The following CDC14B variants were observed in gnomAD, a reference collection of about 807,000 sequenced individuals.
CDC14B encodes cell division cycle 14B.
Under a neutral mutation model 64.2 loss-of-function variants are expected in CDC14B, and 22 were observed. The observed-to-expected ratio is 0.34, with a 90% confidence interval of 0.24 to 0.49. The LOEUF (loss-of-function observed/expected upper bound fraction) is 0.49. Ranked by LOEUF, CDC14B falls within the 20% of genes least tolerant of loss-of-function variation. The probability of loss-of-function intolerance (pLI) is 0.99; values close to 1 mark genes in which losing one functional copy is unlikely to be tolerated. For missense variants in CDC14B, 498 were observed against 629.9 expected (o/e 0.79, Z 2.24); for synonymous variants, 191 against 215.8 (o/e 0.89, Z 1.01).
In CDC14B at chr9:96,530,949, C is replaced by A. The variant is rs928869922; in HGVS notation, c.946+2978G>T. 2.6e-5 allele frequency among the ~76,000 whole-genome samples: 4 copies of A among 152,288 alleles called. No homozygotes were observed. In the East Asian group the frequency reaches 7.7e-4, roughly 29 times the overall value. ...TTTGTCCTTAACGTGGTATATCACA[C>A]TGATTGATTTTCATATGTTGAACCA... On this transcript the variant is annotated intron_variant, in intron 9 of 13. Transcript: ENST00000375241.
At chr9:96,566,929 G>A (rs1359986709) in intron 1 of CDC14B, 1 of 1,516,510 alleles carries the variant, frequency 6.6e-7, no homozygotes, top group Non-Finnish European at 8.9e-7. Flanking sequence ...AGGGCCGCGC[G>A]GGGCAGCGGG....
intron 1 of CDC14B, among the ~76,000 whole-genome samples, chr9:96,616,650 G>C (rs1847647394): frequency 6.6e-6 from 1 of 152,138 alleles, no homozygotes; most frequent in East Asian, 1.9e-4. Flanking sequence ...CTTGAACCCG[G>C]GAGGCAGAGG....
chr9:96,570,715 C>T (rs1844414294), intron 1 of CDC14B, among the ~76,000 whole-genome samples: 1 of 152,162 alleles, frequency 6.6e-6, no homozygotes, highest in South Asian at 2.1e-4. Context: ...ACAATGATAA[C>T]CAACGATGAT....
At chr9:96,579,642 A>G (rs1384896319) in intron 1 of CDC14B, among the ~76,000 whole-genome samples, 1 of 152,008 alleles carries the variant, frequency 6.6e-6, no homozygotes, top group Non-Finnish European at 1.5e-5. Context: ...GCACACAGGA[A>G]AGGTCACGTG....
intron 1 of CDC14B, among the ~76,000 whole-genome samples, chr9:96,580,953 T>G (rs1312234400): frequency 6.6e-6 from 1 of 152,114 alleles, no homozygotes; most frequent in Non-Finnish European, 1.5e-5. Flanking sequence ...AGATTTAAGC[T>G]CGGTGCGGTG....
At chr9:96,589,180 C>CAA (rs11445529) in intron 1 of CDC14B, among the ~76,000 whole-genome samples, 1 of 150,754 alleles carries the variant, frequency 6.6e-6, no homozygotes, top group African/African-American at 2.4e-5. Context: ...TACTAAAATA[C>CAA]AAAAAAAAAT....
intron 4 of CDC14B, among the ~76,000 whole-genome samples, chr9:96,552,991 T>C (rs1842024934): frequency 6.6e-6 from 1 of 152,244 alleles, no homozygotes; most frequent in Admixed American, 6.5e-5. Context: ...ACATGATACA[T>C]GTGACCTGTT....
At chr9:96,522,702 TCTGCA>T in intron 11 of CDC14B, 99 bp from the exon 12 acceptor site, 1 of 752,844 alleles carries the variant, frequency 1.3e-6, no homozygotes, top group South Asian at 1.5e-5. Flanking sequence ...AGTCCAAGTT[TCTGCA>T]AGCTCTAGAA....
chr9:96,590,967 T>C (rs1289872508), intron 1 of CDC14B, among the ~76,000 whole-genome samples: 1 of 152,220 alleles, frequency 6.6e-6, no homozygotes, highest in Non-Finnish European at 1.5e-5. Flanking sequence ...TGTTTTCATT[T>C]GTTAAGTTGC....
chr9:96,607,916 G>A (rs1222483066), intron 1 of CDC14B, among the ~76,000 whole-genome samples: 1 of 152,154 alleles, frequency 6.6e-6, no homozygotes, highest in African/African-American at 2.4e-5. Context: ...GTGTTGCTGT[G>A]ATCCAGAACA....
intron 1 of CDC14B, among the ~76,000 whole-genome samples, chr9:96,611,239 C>T (rs999801118): frequency 1.3e-5 from 2 of 152,232 alleles, no homozygotes; most frequent in Admixed American, 1.3e-4. Flanking sequence ...TAATCCCTGC[C>T]TAATATGGAC....
Position 96,500,817 on chromosome 9 carries a change from G to A in CDC14B, c.*2936C>T, listed in dbSNP as rs1833503223. On this transcript the variant is annotated 3_prime_UTR_variant, in exon 14 of 14. Coordinates refer to ENST00000375241, the MANE Select transcript of CDC14B (RefSeq NM_033331.4). ...GTGCACTGCTTCTGTGGCTCCAAAG[G>A]TGACTGGGAAAAGAGAAGGCCCCAG... The A allele has an allele frequency of 1.3e-5, 2 of 152,210 alleles. No homozygotes were observed. Among genetic ancestry groups the A allele is most frequent in the Non-Finnish European group, 1.5e-5 (1 of 68,088 alleles). The allele number at this position is 152,210 out of a possible 1,614,324, so 9.4% of individuals were successfully genotyped here. A position where few individuals can be genotyped will look rare whatever the true frequency, so the allele number is the denominator to read the frequency against.
chr9:96,578,692 G>A (rs10117941), intron 1 of CDC14B, among the ~76,000 whole-genome samples: 2,191 of 152,316 alleles, frequency 0.014, 40 homozygotes, highest in African/African-American at 0.049. Context: ...ACAGACCTTA[G>A]GTGACTAGGC....
intron 3 of CDC14B, among the ~76,000 whole-genome samples, chr9:96,563,221 C>T (rs1397934485): frequency 2.6e-5 from 4 of 152,224 alleles, no homozygotes; most frequent in Non-Finnish European, 5.9e-5. Flanking sequence ...AACTGGAAGA[C>T]AGCATGGAGG....
At chr9:96,517,266 C>A (rs539467497) in intron 12 of CDC14B, among the ~76,000 whole-genome samples, 1 of 150,816 alleles carries the variant, frequency 6.6e-6, no homozygotes, top group African/African-American at 2.4e-5. Flanking sequence ...TGCTTGAGCT[C>A]GGGAGGCGGA....
At position 96,598,675 on chromosome 9, in the gene CDC14B, C is replaced by T. The variant is rs552572582; in HGVS notation, c.160+20544G>A. Among the ~76,000 whole-genome samples the T allele has an allele frequency of 3.9e-5, 6 of 152,254 alleles. No homozygotes were observed. The South Asian group carries it at 6.2e-4, about 16-fold the overall frequency. Reference sequence around the variant, plus strand: ...TAAAAAAAACTATTCTCATACATTGCTAGTGGGACTGTAAATTGGTAAAGC... The same window carrying T: ...TAAAAAAAACTATTCTCATACATTGTTAGTGGGACTGTAAATTGGTAAAGC... On this transcript the variant is annotated intron_variant, in intron 1 of 13. Coordinates refer to ENST00000375241, the MANE Select transcript of CDC14B (RefSeq NM_033331.4).
At chr9:96,498,179 C>T (rs1329521983), downstream of CDC14B, among the ~76,000 whole-genome samples, 1 of 152,196 alleles carries the variant, frequency 6.6e-6, no homozygotes, top group Non-Finnish European at 1.5e-5. Context: ...CTTTCCAATG[C>T]ACCCATAGCT....
intron 1 of CDC14B, among the ~76,000 whole-genome samples, chr9:96,589,824 G>A (rs1412251621): frequency 6.6e-6 from 1 of 151,924 alleles, no homozygotes; most frequent in African/African-American, 2.4e-5. Context: ...AGGCAGGCGT[G>A]GTGGCGGGTG....
intron 1 of CDC14B, among the ~76,000 whole-genome samples, chr9:96,613,996 A>G (rs1847475872): frequency 1.3e-5 from 2 of 152,190 alleles, no homozygotes; most frequent in Admixed American, 1.3e-4. Context: ...GTATTTGTTT[A>G]TTTGATGAGT....
Sources: allele counts gnomAD v4.1 joint callset (sites outside exome capture counted in the v4.1 genomes callset), GRCh38; gene constraint gnomAD v4.1.1; transcripts MANE v1.5; gene names NCBI Gene and HGNC (gene_info 2026-07-23, HGNC 2026-07-21).